The following CACNA2D3 variants were observed in gnomAD, a reference collection of about 807,000 sequenced individuals.
CACNA2D3 encodes the protein calcium voltage-gated channel auxiliary subunit alpha2delta 3, also known as voltage-dependent calcium channel subunit alpha-2/delta-3.
Under a neutral mutation model 160.6 loss-of-function variants are expected in CACNA2D3, and 60 were observed. The observed-to-expected ratio is 0.37, with a 90% CI of 0.30 to 0.46. The LOEUF is 0.46. CACNA2D3 is among the 20% of genes least tolerant of loss of function. The pLI is 1.00. For synonymous variants in CACNA2D3, 558 were observed against 492.9 expected (o/e 1.13, Z -1.75); for missense variants, 1,205 against 1,365.0 (o/e 0.88, Z 1.85).
At chr3:54,959,629 A>G (rs1170723697) in intron 27 of CACNA2D3, among the ~76,000 whole-genome samples, 2 of 152,190 alleles carry the variant, frequency 1.3e-5, no homozygotes, top group African/African-American at 2.4e-5. Flanking sequence ...CTAGGGAGCT[A>G]TAACTTGGAA....
intron 34 of CACNA2D3, among the ~76,000 whole-genome samples, chr3:55,015,546 C>T (rs907865177): frequency 1.5e-4 from 23 of 152,174 alleles, no homozygotes; most frequent in Admixed American, 1.4e-3. Context: ...ATAACCTAAG[C>T]TATTGTATAC....
chr3:54,451,311 G>T (rs572566416), intron 4 of CACNA2D3, among the ~76,000 whole-genome samples: 7 of 135,364 alleles, frequency 5.2e-5, no homozygotes, highest in Non-Finnish European at 9.2e-5. Flanking sequence ...GTGCAGTGGC[G>T]CAATCTTGGC....
At chr3:55,026,488 C>G (rs904878802) in intron 35 of CACNA2D3, among the ~76,000 whole-genome samples, 2 of 152,128 alleles carry the variant, frequency 1.3e-5, no homozygotes, top group African/African-American at 4.8e-5. Flanking sequence ...TGGTTAGTGC[C>G]ATGATTAGAG....
intron 11 of CACNA2D3, among the ~76,000 whole-genome samples, chr3:54,653,137 C>G (rs930726845): frequency 1.3e-5 from 2 of 152,112 alleles, no homozygotes; most frequent in East Asian, 1.9e-4. Context: ...GAAGGGCTCT[C>G]TGGCAACTGT....
intron 2 of CACNA2D3, among the ~76,000 whole-genome samples, chr3:54,260,378 G>A (rs6808505): frequency 0.45 from 68,377 of 151,966 alleles, 15,560 homozygotes; most frequent in African/African-American, 0.5. Flanking sequence ...GGGAAGTCCA[G>A]GGTCAAAGGG....
chr3:54,809,054 C>T (rs1177941923), intron 13 of CACNA2D3, among the ~76,000 whole-genome samples: 2 of 152,212 alleles, frequency 1.3e-5, no homozygotes, highest in East Asian at 1.9e-4. Flanking sequence ...TACTGTTTTA[C>T]GGATGAGACC....
rs112483531 is a variant in CACNA2D3, at chr3:54,968,118, AT to A, written c.2450-321del. ...AACTGAAGCAATAGTGATCTTTTGA[AT>A]TTTTTTTTTTCTTTCCTCTTCTCAG... is the stretch of plus-strand genomic sequence containing the variant. On this transcript the variant is annotated intron_variant, in intron 27 of 37. Coordinates refer to ENST00000474759, the MANE Select transcript of CACNA2D3 (RefSeq NM_018398.3). Among the ~76,000 whole-genome samples the A allele has an allele frequency of 4.1e-3, 614 of 148,914 alleles. 5 individuals carry two copies. The highest frequency in any genetic ancestry group is 0.013 in the African/African-American group (528 of 40,738).
At chr3:54,712,373 C>G (rs1364084480) in intron 11 of CACNA2D3, among the ~76,000 whole-genome samples, 2 of 152,250 alleles carry the variant, frequency 1.3e-5, no homozygotes, top group East Asian at 3.9e-4. Flanking sequence ...CCCCACCCAT[C>G]TTGAATTGTA....
At chr3:55,039,169 G>T (rs1703903233) in intron 35 of CACNA2D3, among the ~76,000 whole-genome samples, 1 of 151,912 alleles carries the variant, frequency 6.6e-6, no homozygotes, top group African/African-American at 2.4e-5. Flanking sequence ...CCTAAAAGAG[G>T]CAGAAGCACT....
intron 9 of CACNA2D3, chr3:54,626,540 AGAT>A (rs966373679): frequency 9.3e-6 from 15 of 1,605,522 alleles, no homozygotes; most frequent in African/African-American, 2.7e-5. Context: ...ATCAAGCCCG[AGAT>A]GATCGACCAC....
chr3:55,002,144 T>G (rs1702991034), intron 31 of CACNA2D3, among the ~76,000 whole-genome samples: 2 of 139,840 alleles, frequency 1.4e-5, no homozygotes, highest in East Asian at 2.1e-4. Flanking sequence ...TGACAGAGAG[T>G]GAGACTCCAT....
chr3:54,166,507 T>C (rs1700461007), intron 2 of CACNA2D3, among the ~76,000 whole-genome samples: 1 of 152,218 alleles, frequency 6.6e-6, no homozygotes, highest in Non-Finnish European at 1.5e-5. Context: ...TACAGGAGTT[T>C]GTTGCCCCCT....
At chr3:54,267,940 G>C (rs998753768) in intron 2 of CACNA2D3, among the ~76,000 whole-genome samples, 4 of 152,114 alleles carry the variant, frequency 2.6e-5, no homozygotes, top group Non-Finnish European at 5.9e-5. Context: ...GTGATGTTTT[G>C]GGGGTGTTTT....
chr3:54,794,697 T>G (rs1702832775), intron 13 of CACNA2D3, among the ~76,000 whole-genome samples: 1 of 152,062 alleles, frequency 6.6e-6, no homozygotes, highest in Non-Finnish European at 1.5e-5. Flanking sequence ...TACAGTTGTT[T>G]TCTTATAATA....
intron 2 of CACNA2D3, among the ~76,000 whole-genome samples, chr3:54,203,098 T>C (rs1701207075): frequency 1.3e-5 from 2 of 152,324 alleles, no homozygotes; most frequent in Admixed American, 6.5e-5. Context: ...AAGCATTATT[T>C]CTGCATGTGT....
chr3:54,970,684 C>A (rs1234827001), intron 29 of CACNA2D3, among the ~76,000 whole-genome samples: 1 of 145,360 alleles, frequency 6.9e-6, no homozygotes, highest in Non-Finnish European at 1.5e-5. Context: ...CCTACACATG[C>A]GCAATGGAAG....
At chr3:54,871,746 G>A (rs1474143955) in intron 18 of CACNA2D3, 124 bp downstream of exon 18, 11 of 689,564 alleles carry the variant, frequency 1.6e-5, no homozygotes, top group East Asian at 5.2e-5. Context: ...CCAGAGGGAC[G>A]TGGAGACAAG....
At chr3:54,176,470 A>G (rs1029117866) in intron 2 of CACNA2D3, among the ~76,000 whole-genome samples, 2 of 152,194 alleles carry the variant, frequency 1.3e-5, no homozygotes, top group African/African-American at 4.8e-5. Context: ...AGGGATAATG[A>G]TGGTGGCCAA....
chr3:54,587,492 G>A (rs747644425), intron 9 of CACNA2D3, among the ~76,000 whole-genome samples: 1 of 152,090 alleles, frequency 6.6e-6, no homozygotes, highest in African/African-American at 2.4e-5. Flanking sequence ...GGGAGGCAGA[G>A]ATTGCAGTAA....
Sources: gnomAD v4.1 joint callset for allele counts (sites outside exome capture counted in the v4.1 genomes callset) on GRCh38, gnomAD v4.1.1 for gene constraint, MANE v1.5 for transcripts, NCBI Gene and HGNC (gene_info 2026-07-23, HGNC 2026-07-21) for gene names.